Variants in CLEC9A observed in about 807,000 individuals in gnomAD.
CLEC9A encodes C-type lectin domain containing 9A.
A neutral mutation model predicts 30.0 loss-of-function variants in CLEC9A; 24 were observed. The ratio of observed to expected loss-of-function variants is 0.80; its 90% CI spans 0.58 to 1.13. CLEC9A has a LOEUF of 1.13. CLEC9A is among the 50% of genes most tolerant of loss of function. CLEC9A has a pLI of 0.00. For synonymous variants in CLEC9A, 111 were observed against 96.8 expected, an observed-to-expected ratio of 1.15 and a Z score of -0.86; for missense variants, 251 against 280.9, an observed-to-expected ratio of 0.89 and a Z score of 0.76.
At chr12:10,033,174 T>A (rs1261101098) in intron 1 of CLEC9A, among the ~76,000 whole-genome samples, 2 of 152,184 alleles carry the variant, frequency 1.3e-5, no homozygotes, top group Non-Finnish European at 2.9e-5. Flanking sequence ...CTCTTCAATT[T>A]CCTTTTGCTT....
intron 2 of CLEC9A, among the ~76,000 whole-genome samples, chr12:10,048,105 C>T (rs1331068184): frequency 1.3e-5 from 2 of 148,346 alleles, no homozygotes; most frequent in African/African-American, 4.9e-5. Context: ...CGGTGGCGGG[C>T]GCCTGTAGTC....
intron 5 of CLEC9A, among the ~76,000 whole-genome samples, chr12:10,056,277 C>T (rs1487355612): frequency 6.6e-6 from 1 of 151,828 alleles, no homozygotes; most frequent in East Asian, 1.9e-4. Context: ...GATAAACCTG[C>T]AATTTAACAA....
chr12:10,035,134 A>G (rs1865732497), intron 1 of CLEC9A, among the ~76,000 whole-genome samples: 1 of 152,180 alleles, frequency 6.6e-6, no homozygotes, highest in South Asian at 2.1e-4. Flanking sequence ...GCCTGCCGAT[A>G]TGCTCTTGAC....
intron 1 of CLEC9A, among the ~76,000 whole-genome samples, chr12:10,037,568 C>T (rs79489784): frequency 0.026 from 4,016 of 152,168 alleles, 184 homozygotes; most frequent in African/African-American, 0.09. Context: ...CATGTAGACA[C>T]GCCAATTCAC....
At chr12:10,049,709 G>C (rs1865877021) in intron 2 of CLEC9A, among the ~76,000 whole-genome samples, 1 of 152,138 alleles carries the variant, frequency 6.6e-6, no homozygotes, top group Non-Finnish European at 1.5e-5. Flanking sequence ...GCTTTGCTCT[G>C]AATTAGGCTT....
At chr12:10,063,026 A>T (rs111445991) in intron 6 of CLEC9A, 29 bp from the exon 7 acceptor site, 7 of 1,562,206 alleles carry the variant, frequency 4.5e-6, no homozygotes, top group African/African-American at 2.8e-5. Flanking sequence ...TTACAATAAG[A>T]TACTAAAGTA....
chr12:10,036,524 T>C (rs891887759), intron 1 of CLEC9A, among the ~76,000 whole-genome samples: 2 of 152,188 alleles, frequency 1.3e-5, no homozygotes, highest in Admixed American at 1.3e-4. Context: ...CTTCTTTTGT[T>C]TCTGTCTGCA....
intron 2 of CLEC9A, among the ~76,000 whole-genome samples, chr12:10,044,853 C>G (rs766834156): frequency 6.6e-6 from 1 of 152,178 alleles, no homozygotes; most frequent in Non-Finnish European, 1.5e-5. Flanking sequence ...CTATCCTCAG[C>G]CCATAGAACA....
intron 6 of CLEC9A, among the ~76,000 whole-genome samples, chr12:10,061,551 CA>C (rs1045964447): frequency 8.6e-5 from 13 of 150,682 alleles, no homozygotes; most frequent in South Asian, 2.1e-4. Context: ...AATACATGCA[CA>C]AAAAAAAATC....
chr12:10,039,010 C>T (rs1048378978), intron 1 of CLEC9A, among the ~76,000 whole-genome samples: 1 of 152,260 alleles, frequency 6.6e-6, no homozygotes, highest in Non-Finnish European at 1.5e-5. Context: ...CAGCAAAGCT[C>T]TTTCTATTAC....
intron 1 of CLEC9A, among the ~76,000 whole-genome samples, chr12:10,035,637 C>CT (rs1489684052): frequency 6.6e-6 from 1 of 152,168 alleles, no homozygotes; most frequent in Non-Finnish European, 1.5e-5. Context: ...GAGACAGGGT[C>CT]TGGCTCTGTC....
intron 5 of CLEC9A, among the ~76,000 whole-genome samples, chr12:10,056,524 A>C (rs1865945472): frequency 1.3e-5 from 2 of 152,148 alleles, no homozygotes; most frequent in African/African-American, 4.8e-5. Flanking sequence ...CCCTGAATCT[A>C]AATAAAAGCT....
At chr12:10,063,707 G>GT (rs1298566698) in intron 7 of CLEC9A, among the ~76,000 whole-genome samples, 7 of 152,164 alleles carry the variant, frequency 4.6e-5, no homozygotes, top group Admixed American at 3.9e-4. Flanking sequence ...ATAAAACCTA[G>GT]TTTACCAATA....
chr12:10,045,954 G>T (rs1838996092), intron 2 of CLEC9A, among the ~76,000 whole-genome samples: 2 of 152,134 alleles, frequency 1.3e-5, no homozygotes, highest in Admixed American at 6.5e-5. Flanking sequence ...GGACAATATA[G>T]ATTAGTGCTT....
intron 1 of CLEC9A, among the ~76,000 whole-genome samples, chr12:10,040,484 T>C (rs1205594248): frequency 6.6e-6 from 1 of 151,040 alleles, no homozygotes; most frequent in Non-Finnish European, 1.5e-5. Flanking sequence ...GGAGTCTTGC[T>C]CTGTCGCCCA....
At position 10,064,817 on chromosome 12, in the gene CLEC9A, G is replaced by A. The variant is rs1206220636; in HGVS notation, c.557G>A (p.Trp186Ter). Residue 186 changes from tryptophan to a stop codon, truncating the protein, a stop_gained, in exon 8 of 9, where the codon TGG (tryptophan) becomes TAG (stop). Transcript: ENST00000355819. LOFTEE classifies it low-confidence loss of function (END_TRUNC). ...GLSQDGHSGRWLWQDGSSPSP... is the reference protein window; with the variant it reads ...GLSQDGHSGR Reference sequence around the variant, plus strand: ...TCTCAGGATGGACACAGCGGACGCTGGCTTTGGCAAGATGGCTCCTCTCCT... The same window carrying A: ...TCTCAGGATGGACACAGCGGACGCTAGCTTTGGCAAGATGGCTCCTCTCCT... 2 of 1,613,408 alleles carry A rather than the reference G, an allele frequency of 1.2e-6. No individual in the cohort carries two copies. Among genetic ancestry groups the A allele is most frequent in the Non-Finnish European group, 1.7e-6 (2 of 1,179,620 alleles).
chr12:10,033,414 T>C (rs1387549682), intron 1 of CLEC9A, among the ~76,000 whole-genome samples: 1 of 152,214 alleles, frequency 6.6e-6, no homozygotes, highest in Non-Finnish European at 1.5e-5. Flanking sequence ...TTCCATACCA[T>C]TGCTTGATCT....
chr12:10,039,145 G>A (rs1264394375), intron 1 of CLEC9A, among the ~76,000 whole-genome samples: 2 of 152,174 alleles, frequency 1.3e-5, no homozygotes, highest in East Asian at 1.9e-4. Flanking sequence ...TCCTCCTGGT[G>A]GTGTGTGATG....
At chr12:10,060,694 T>C (rs892736514) in intron 5 of CLEC9A, 2 of 193,688 alleles carry the variant, frequency 1.0e-5, no homozygotes, top group African/African-American at 2.4e-5. Context: ...TGTACTGATA[T>C]GGAACTGAGT....
Sources: allele counts gnomAD v4.1 joint callset (sites outside exome capture counted in the v4.1 genomes callset), GRCh38; gene constraint gnomAD v4.1.1; transcripts MANE v1.5; gene names NCBI Gene and HGNC (gene_info 2026-07-23, HGNC 2026-07-21).